The following TNFRSF1B variants were observed in gnomAD, a reference collection of about 807,000 sequenced individuals.
TNFRSF1B encodes TNF receptor superfamily member 1B.
In TNFRSF1B, 19 loss-of-function variants were observed where a neutral mutation model predicts 44.6. The ratio of observed to expected loss-of-function variants is 0.43; its 90% CI spans 0.30 to 0.62. The LOEUF (loss-of-function observed/expected upper bound fraction) is 0.62, where lower values mean the gene tolerates loss of function less well. TNFRSF1B is among the 20% of genes least tolerant of loss of function. The probability of loss-of-function intolerance (pLI) is 0.16; values close to 1 mark genes in which losing one functional copy is unlikely to be tolerated. For missense variants in TNFRSF1B, 541 were observed against 619.9 expected (o/e 0.87, Z 1.35); for synonymous variants, 252 against 261.1 (o/e 0.97, Z 0.34).
chr1:12,200,011 G>A (rs992983764), intron 8 of TNFRSF1B, among the ~76,000 whole-genome samples: 10 of 152,284 alleles, frequency 6.6e-5, no homozygotes, highest in Admixed American at 3.9e-4. Context: ...TTCAGTGTGC[G>A]TGTCTGGAAA....
In TNFRSF1B at chr1:12,192,451, G is replaced by T; in HGVS notation, c.478G>T (p.Val160Leu). ...ARPGTETSDV[V>L]CKPCAPGTFS... ...TGAAGGAACTGAAACATCAGACGTG[G>T]TGTGCAAGCCCTGTGCCCCGGGGAC... is the stretch of plus-strand genomic sequence containing the variant. The change falls in exon 5 of 10, where the codon GTG becomes TTG. Residue 160 changes from valine to leucine, a missense_variant. Coordinates refer to ENST00000376259, the MANE Select transcript of TNFRSF1B (RefSeq NM_001066.3). The T allele has an allele frequency of 6.2e-7, 1 of 1,614,178 alleles. No homozygotes were observed.
chr1:12,198,136 A>AG (rs1639309176), intron 8 of TNFRSF1B, among the ~76,000 whole-genome samples: 1 of 151,872 alleles, frequency 6.6e-6, no homozygotes, highest in Admixed American at 6.6e-5. Context: ...AAAAAAAAAA[A>AG]AAAAACCAAT....
intron 8 of TNFRSF1B, among the ~76,000 whole-genome samples, chr1:12,195,071 G>A (rs1639236732): frequency 6.6e-6 from 1 of 152,216 alleles, no homozygotes; most frequent in South Asian, 2.1e-4. Context: ...GGATAGCCCA[G>A]TGTCCCACAG....
At position 12,183,720 on chromosome 1, in the gene TNFRSF1B, C is replaced by CCTATCTATCTAT. The variant is rs376176302; in HGVS notation, c.79-5056_79-5045dup. ...TCTATCTATCTATCTATTCTATCTACCTATCTATCTATCTATCTATCTATC... is the reference window on the plus strand; with the variant it reads ...TCTATCTATCTATCTATTCTATCTACCTATCTATCTATCTATCTATCTATCTATCTATCTATC... On this transcript the variant is annotated intron_variant, in intron 1 of 9. Coordinates refer to ENST00000376259, the MANE Select transcript of TNFRSF1B (RefSeq NM_001066.3). Among the ~76,000 whole-genome samples the CCTATCTATCTAT allele has an allele frequency of 4.3e-3, 395 of 92,164 alleles. 15 individuals carry two copies. Among genetic ancestry groups the CCTATCTATCTAT allele is most frequent in the African/African-American group, 0.011 (317 of 29,194 alleles). The allele number at this position is 92,164 out of a possible 152,430, so 60.5% of individuals were successfully genotyped here. A position where few individuals can be genotyped will look rare whatever the true frequency, so the allele number is the denominator to read the frequency against.
chr1:12,203,234 G>T (rs377701855), intron 9 of TNFRSF1B, among the ~76,000 whole-genome samples: 5 of 152,336 alleles, frequency 3.3e-5, no homozygotes, highest in East Asian at 1.9e-4. Context: ...CCAAGCCTTG[G>T]TTTTTTCACC....
intron 8 of TNFRSF1B, among the ~76,000 whole-genome samples, 165 bp from the exon 9 acceptor site, chr1:12,201,802 C>T (rs1639394708): frequency 1.3e-5 from 2 of 152,168 alleles, no homozygotes; most frequent in African/African-American, 4.8e-5. Context: ...TCACACCTCC[C>T]AAAAAGTGCC....
In TNFRSF1B at chr1:12,199,838, G is replaced by A. The variant is rs1000319007; in HGVS notation, c.901-2129G>A. ...TGCCTGGGACACTTGTTTTCATCCTGGGCAGGCCAGGGGCCAGGGCAGCTG... is the reference window on the plus strand; with the variant it reads ...TGCCTGGGACACTTGTTTTCATCCTAGGCAGGCCAGGGGCCAGGGCAGCTG... On this transcript the variant is annotated intron_variant, in intron 8 of 9. Transcript: ENST00000376259. This position sits in a 1 kb window ranked among gnomAD's most constrained non-coding sequence, Gnocchi z 4.0. Among the ~76,000 whole-genome samples the A allele has an allele frequency of 2.6e-5, 4 of 152,222 alleles. No individual in the cohort carries two copies. Among genetic ancestry groups the A allele is most frequent in the Admixed American group, 1.3e-4 (2 of 15,280 alleles).
chr1:12,198,563 G>A (rs562358100), intron 8 of TNFRSF1B, among the ~76,000 whole-genome samples: 63 of 152,236 alleles, frequency 4.1e-4, no homozygotes, highest in African/African-American at 1.3e-3. Context: ...ACAAACAGAC[G>A]GACACAGCAG....
At chr1:12,193,214 T>A in intron 6 of TNFRSF1B, 116 bp downstream of exon 6, 1 of 921,568 alleles carries the variant, frequency 1.1e-6, no homozygotes, top group Non-Finnish European at 1.7e-6. Context: ...CCCTGTGCCC[T>A]GTCCTGGGAT....
chr1:12,174,157 TCTTCTTCTCCTTCTCCTTCTCCTTCTC>T (rs1638590276), intron 1 of TNFRSF1B, among the ~76,000 whole-genome samples: 5 of 98,586 alleles, frequency 5.1e-5, no homozygotes, highest in African/African-American at 2.4e-4. Context: ...TTCTTCTTCT[TCTTCTTCTCCTTCTCCTTCTCCTTCTC>T]CTTCTCCTTC....
intron 9 of TNFRSF1B, among the ~76,000 whole-genome samples, chr1:12,204,734 T>G (rs1017391744): frequency 1.3e-5 from 2 of 152,146 alleles, no homozygotes; most frequent in East Asian, 1.9e-4. Flanking sequence ...TAAATCCAGA[T>G]TTTTAAATGT....
chr1:12,172,214 T>G (rs1638538301), intron 1 of TNFRSF1B, among the ~76,000 whole-genome samples: 1 of 152,100 alleles, frequency 6.6e-6, no homozygotes, highest in Admixed American at 6.5e-5. Flanking sequence ...GCGCTGTGGC[T>G]CCCCGTTCTG....
At position 12,180,245 on chromosome 1, in the gene TNFRSF1B, C is replaced by A. The variant is rs1407057020; in HGVS notation, c.79-8551C>A. On this transcript the variant is annotated intron_variant, in intron 1 of 9. Transcript: ENST00000376259. The surrounding 1 kb of genome is among the most constrained non-coding windows in gnomAD (Gnocchi z 4.3). ...AGGAGTTCAAGACCAGTCTGGACAACATAGCAAGACCCGGTCTCTTTCTAT... is the reference window on the plus strand; with the variant it reads ...AGGAGTTCAAGACCAGTCTGGACAAAATAGCAAGACCCGGTCTCTTTCTAT... 6.6e-6 allele frequency among the ~76,000 whole-genome samples: 1 copy of A among 152,170 alleles called. No individual in the cohort carries two copies. Among genetic ancestry groups the A allele is most frequent in the African/African-American group, 2.4e-5 (1 of 41,434 alleles).
In TNFRSF1B at chr1:12,193,969, G is replaced by A; in HGVS notation, c.802G>A (p.Val268Met). 1 of 1,613,976 alleles carries A rather than the reference G, an allele frequency of 6.2e-7. No homozygotes were observed. Among genetic ancestry groups the A allele is most frequent in the Non-Finnish European group, 8.5e-7 (1 of 1,179,860 alleles). ...TTTCTTTCTAGGACTGATTGTGGGT[G>A]TGACAGCCTTGGGTCTACTAATAAT... ...FALPVGLIVG[V>M]TALGLLIIGV... Residue 268 changes from valine to methionine, a missense_variant, in exon 7 of 10, where the codon GTG (valine) becomes ATG (methionine). Physicochemically the swap from Val to Met is conservative, Grantham distance 21. Transcript: ENST00000376259.
intron 3 of TNFRSF1B, 55 bp downstream of exon 3, chr1:12,191,140 CG>C: frequency 6.3e-7 from 1 of 1,590,328 alleles, no homozygotes; most frequent in African/African-American, 1.3e-5. Context: ...CAACTTCCCC[CG>C]GCAACTCCAG....
intron 7 of TNFRSF1B, 42 bp from the exon 8 acceptor site, chr1:12,194,542 T>C (rs1198533258): frequency 2.5e-6 from 4 of 1,613,444 alleles, no homozygotes; most frequent in Non-Finnish European, 3.4e-6. Flanking sequence ...CAGATGTGCC[T>C]GAGGAAGTCA....
In TNFRSF1B at chr1:12,168,058, AT is replaced by A. The variant is rs1638435121; in HGVS notation, c.78+895del. On this transcript the variant is annotated intron_variant, in intron 1 of 9. Transcript: ENST00000376259. This position sits in a 1 kb window ranked among gnomAD's most constrained non-coding sequence, Gnocchi z 4.7. ...ATGGTTTGGTAAGATAAGATAAACC[AT>A]TTTTTAGAGAAGGAAAACTGAGGCT... 1.3e-5 allele frequency among the ~76,000 whole-genome samples: 2 copies of A among 152,214 alleles called. No individual in the cohort carries two copies. Among genetic ancestry groups the A allele is most frequent in the African/African-American group, 4.8e-5 (2 of 41,446 alleles).
At chr1:12,198,164 A>G (rs1298169010) in intron 8 of TNFRSF1B, among the ~76,000 whole-genome samples, 3 of 151,398 alleles carry the variant, frequency 2.0e-5, no homozygotes, top group African/African-American at 4.9e-5. Context: ...CTTACCCACA[A>G]TCACCCCCAT....
chr1:12,195,285 A>C (rs1557637023), intron 8 of TNFRSF1B, among the ~76,000 whole-genome samples: 1 of 152,242 alleles, frequency 6.6e-6, no homozygotes. Context: ...ATTTGGCTGC[A>C]AGTAACCCCA....
Sources: allele counts gnomAD v4.1 joint callset (sites outside exome capture counted in the v4.1 genomes callset), GRCh38; gene constraint gnomAD v4.1.1; non-coding constraint Gnocchi (gnomAD v3.1); transcripts MANE v1.5; gene names NCBI Gene and HGNC (gene_info 2026-07-23, HGNC 2026-07-21).